CD1B: variants seen among roughly 807,000 people sequenced by gnomAD.
The protein encoded by CD1B is CD1b molecule.
CD1B carries 43 observed loss-of-function variants against 39.8 expected under a neutral mutation model. The observed-to-expected ratio is 1.08, with a 90% CI of 0.85 to 1.39. The LOEUF (loss-of-function observed/expected upper bound fraction) is 1.39. CD1B is among the 40% of genes most tolerant of loss of function. The probability of loss-of-function intolerance (pLI) is 0.00; values close to 1 mark genes in which losing one functional copy is unlikely to be tolerated. For synonymous variants in CD1B, 192 were observed against 152.5 expected, an observed-to-expected ratio of 1.26 and a Z score of -1.91; for missense variants, 495 against 403.8, an observed-to-expected ratio of 1.23 and a Z score of -1.94.
the CD1B span, among the ~76,000 whole-genome samples, chr1:158,306,752 A>C: frequency 3.7e-4 from 57 of 152,352 alleles, no homozygotes; most frequent in African/African-American, 1.3e-3. Flanking sequence ...AGTGCAATGA[A>C]ACTAGGATTC....
the CD1B span, chr1:158,292,929 G>T: frequency 6.4e-7 from 1 of 1,569,044 alleles, no homozygotes; most frequent in East Asian, 2.3e-5. Context: ...AGAGGTTAGG[G>T]GAGAGGAAAT....
the CD1B span, among the ~76,000 whole-genome samples, chr1:158,314,408 G>C: frequency 3.3e-5 from 5 of 152,204 alleles, no homozygotes; most frequent in African/African-American, 1.2e-4. Flanking sequence ...AAAAAACGAA[G>C]TCTTCTTTGT....
At chr1:158,315,519 G>A in the CD1B span, among the ~76,000 whole-genome samples, 1 of 151,670 alleles carries the variant, frequency 6.6e-6, no homozygotes, top group African/African-American at 2.4e-5. Context: ...TTTTTTTCTT[G>A]TAAATTTGTT....
At chr1:158,304,334 C>A in the CD1B span, among the ~76,000 whole-genome samples, 1 of 152,328 alleles carries the variant, frequency 6.6e-6, no homozygotes, top group Admixed American at 6.5e-5. Context: ...CACGGAGCCT[C>A]ACTCATTGCT....
intron 5 of CD1B, 71 bp downstream of exon 5, chr1:158,328,850 T>A: frequency 3.8e-6 from 4 of 1,057,604 alleles, no homozygotes; most frequent in Middle Eastern, 2.1e-4. Flanking sequence ...ATAGATAAAA[T>A]GGTAAAAAAC....
chr1:158,325,944 C>A (rs1478637606), downstream of CD1B, among the ~76,000 whole-genome samples: 1 of 152,214 alleles, frequency 6.6e-6, no homozygotes, highest in African/African-American at 2.4e-5. Flanking sequence ...AAACCTGAAT[C>A]TGAGCACATC....
rs756171314 is a variant in CD1B at position 158,328,297 on chromosome 1, A to G, written c.981-40T>C. On this transcript the variant is annotated intron_variant, in intron 5 of 5. Coordinates refer to ENST00000368168, the MANE Select transcript of CD1B (RefSeq NM_001764.3). ...AGAACAAAAGAGCTCCACATAAAAGATGTTTGTACACCCATGCTCATAGTA... is the reference window on the plus strand; with the variant it reads ...AGAACAAAAGAGCTCCACATAAAAGGTGTTTGTACACCCATGCTCATAGTA... 4.6e-6 allele frequency: 7 copies of G among 1,524,244 alleles called. No homozygotes were observed. The African/African-American group carries it at 9.6e-5, about 21-fold the overall frequency. The allele number at this position is 1,524,244 out of a possible 1,614,324, so 94.4% of individuals were successfully genotyped here. A position where few individuals can be genotyped will look rare whatever the true frequency, so the allele number is the denominator to read the frequency against.
At chr1:158,291,978 C>T in the CD1B span, 11 of 1,118,860 alleles carry the variant, frequency 9.8e-6, no homozygotes, top group Non-Finnish European at 1.2e-5. Flanking sequence ...ACTCTCACAT[C>T]CATGTAAAAC....
chr1:158,307,330 C>T, the CD1B span, among the ~76,000 whole-genome samples: 3 of 152,078 alleles, frequency 2.0e-5, no homozygotes, highest in African/African-American at 4.8e-5. Flanking sequence ...ACTAGAAAGT[C>T]TAGAAGAAAT....
the CD1B span, among the ~76,000 whole-genome samples, chr1:158,297,629 A>T: frequency 2.0e-5 from 3 of 152,142 alleles, no homozygotes; most frequent in Admixed American, 6.6e-5. Context: ...ACACCCCAAG[A>T]CACAGAGTGG....
the CD1B span, among the ~76,000 whole-genome samples, chr1:158,298,841 C>G: frequency 2.4e-4 from 37 of 152,250 alleles, no homozygotes; most frequent in Admixed American, 9.2e-4. Flanking sequence ...TGTAGGAAAG[C>G]TTGCGATTTT....
At chr1:158,327,173 C>T (rs1029962302), downstream of CD1B, among the ~76,000 whole-genome samples, 1 of 152,160 alleles carries the variant, frequency 6.6e-6, no homozygotes, top group Admixed American at 6.5e-5. Context: ...TTTTACAGAG[C>T]ACTGATTGGT....
At chr1:158,287,885 C>T in the CD1B span, among the ~76,000 whole-genome samples, 1 of 152,134 alleles carries the variant, frequency 6.6e-6, no homozygotes, top group Non-Finnish European at 1.5e-5. Flanking sequence ...AATTTGACTG[C>T]CAAGTTGGTA....
chr1:158,326,958 G>A (rs952869981), downstream of CD1B, among the ~76,000 whole-genome samples: 28 of 151,968 alleles, frequency 1.8e-4, no homozygotes, highest in Admixed American at 1.2e-3. Flanking sequence ...CACCATGCCC[G>A]GCTAATTTTT....
At chr1:158,296,603 T>A in the CD1B span, among the ~76,000 whole-genome samples, 112 of 152,210 alleles carry the variant, frequency 7.4e-4, 4 homozygotes, top group South Asian at 0.023. Flanking sequence ...CAGACTAAAA[T>A]GGCTGAGATA....
At chr1:158,291,547 T>C in the CD1B span, 8 of 824,150 alleles carry the variant, frequency 9.7e-6, no homozygotes, top group Admixed American at 1.7e-4. Context: ...ATTCCTGATG[T>C]TGACTCCCTC....
At chr1:158,287,144 G>C in the CD1B span, among the ~76,000 whole-genome samples, 1 of 152,172 alleles carries the variant, frequency 6.6e-6, no homozygotes, top group Non-Finnish European at 1.5e-5. Context: ...ACAACAGGAA[G>C]TTATTCTCTC....
chr1:158,299,228 C>T, the CD1B span, among the ~76,000 whole-genome samples: 2 of 152,138 alleles, frequency 1.3e-5, no homozygotes, highest in East Asian at 1.9e-4. Flanking sequence ...GCATGAACAG[C>T]TGTTGAATTT....
At chr1:158,316,738 T>C in the CD1B span, among the ~76,000 whole-genome samples, 1 of 151,490 alleles carries the variant, frequency 6.6e-6, no homozygotes, top group African/African-American at 2.4e-5. Context: ...CTTGTGCCAG[T>C]TTTCAAAGTG....
Sources: allele counts gnomAD v4.1 joint callset (sites outside exome capture counted in the v4.1 genomes callset), GRCh38; gene constraint gnomAD v4.1.1; transcripts MANE v1.5; gene names NCBI Gene and HGNC (gene_info 2026-07-23, HGNC 2026-07-21).